Variants in ANGPT1 observed in about 807,000 individuals in gnomAD.
ANGPT1 encodes the protein angiopoietin-1.
In ANGPT1, 17 loss-of-function variants were observed where a neutral mutation model predicts 62.2. The ratio of observed to expected loss-of-function variants is 0.27; its 90% CI spans 0.19 to 0.41. The LOEUF (loss-of-function observed/expected upper bound fraction) is 0.41. ANGPT1 is among the 10% of genes least tolerant of loss of function. The pLI, the probability that ANGPT1 is intolerant of heterozygous loss-of-function variation, is 1.00. For missense variants in ANGPT1, 478 were observed against 594.9 expected (o/e 0.80, Z 2.04); for synonymous variants, 199 against 198.9 (o/e 1.00, Z 0.00).
intron 7 of ANGPT1, among the ~76,000 whole-genome samples, chr8:107,276,768 G>A (rs570550862): frequency 1.5e-3 from 223 of 152,300 alleles, no homozygotes; most frequent in Non-Finnish European, 2.8e-3. Context: ...CAAGTCTAGA[G>A]TTCATGTCTC....
chr8:107,481,820 G>GTGAGAACTCACCCACTCTCA (rs1812696144), intron 1 of ANGPT1, among the ~76,000 whole-genome samples: 3 of 152,164 alleles, frequency 2.0e-5, no homozygotes, highest in Non-Finnish European at 4.4e-5. Flanking sequence ...ACTCACTATC[G>GTGAGAACTCACCCACTCTCA]TGAGAACTCA....
chr8:107,263,208 G>T (rs1813533865), intron 8 of ANGPT1, among the ~76,000 whole-genome samples: 1 of 151,858 alleles, frequency 6.6e-6, no homozygotes, highest in Non-Finnish European at 1.5e-5. Flanking sequence ...AGAAAAATTA[G>T]CCGGGCGTGG....
chr8:107,428,995 A>G (rs1349120406), intron 1 of ANGPT1, among the ~76,000 whole-genome samples: 1 of 152,204 alleles, frequency 6.6e-6, no homozygotes, highest in Non-Finnish European at 1.5e-5. Flanking sequence ...CAAGAGGGTT[A>G]TGCTATTCTA....
At chr8:107,292,696 T>C (rs576475567) in intron 6 of ANGPT1, among the ~76,000 whole-genome samples, 2 of 152,332 alleles carry the variant, frequency 1.3e-5, no homozygotes, top group South Asian at 4.1e-4. Context: ...ACTGAGTATC[T>C]GATAAAAATG....
intron 1 of ANGPT1, among the ~76,000 whole-genome samples, chr8:107,352,133 C>A (rs111493356): frequency 1.3e-5 from 2 of 152,038 alleles, no homozygotes; most frequent in African/African-American, 4.8e-5. Flanking sequence ...ATATTGTTAC[C>A]AATGTTAAAA....
chr8:107,489,640 A>T (rs747550463), intron 1 of ANGPT1, among the ~76,000 whole-genome samples: 1 of 152,216 alleles, frequency 6.6e-6, no homozygotes, highest in Non-Finnish European at 1.5e-5. Flanking sequence ...GTATTCAGGT[A>T]TAGATCCTAC....
intron 1 of ANGPT1, among the ~76,000 whole-genome samples, chr8:107,404,921 T>C (rs1817117919): frequency 6.6e-6 from 1 of 152,080 alleles, no homozygotes; most frequent in South Asian, 2.1e-4. Context: ...TGAATAGTAG[T>C]GACATTGAAC....
intron 1 of ANGPT1, among the ~76,000 whole-genome samples, chr8:107,376,063 A>T (rs1030228654): frequency 2.6e-5 from 4 of 152,064 alleles, no homozygotes; most frequent in African/African-American, 9.7e-5. Flanking sequence ...TTTTTTCCAA[A>T]CATTTCCCTT....
intron 4 of ANGPT1, among the ~76,000 whole-genome samples, chr8:107,320,628 C>T (rs1180112630): frequency 6.6e-6 from 1 of 152,076 alleles, no homozygotes; most frequent in Non-Finnish European, 1.5e-5. Context: ...CAGGCTTTTC[C>T]CTTCCCAACC....
chr8:107,353,408 C>A (rs1815973957), intron 1 of ANGPT1, among the ~76,000 whole-genome samples: 1 of 152,162 alleles, frequency 6.6e-6, no homozygotes, highest in Non-Finnish European at 1.5e-5. Flanking sequence ...GTACCTTAGA[C>A]CCACCCCACA....
Position 107,460,846 on chromosome 8 carries a change from G to A in ANGPT1, c.297+36416C>T, listed in dbSNP as rs555356297. On this transcript the variant is annotated intron_variant, in intron 1 of 8. Coordinates refer to ENST00000517746, the MANE Select transcript of ANGPT1 (RefSeq NM_001146.5). ...AGATACTGTCTGGATAGAGTCCAACGCAGAAAATTTGTGTTAATGCTCTTT... is the reference window on the plus strand; with the variant it reads ...AGATACTGTCTGGATAGAGTCCAACACAGAAAATTTGTGTTAATGCTCTTT... 7.9e-5 allele frequency among the ~76,000 whole-genome samples: 12 copies of A among 152,226 alleles called. No individual in the cohort carries two copies. The South Asian group carries it at 2.5e-3, about 32-fold the overall frequency.
At chr8:107,335,709 G>A in intron 3 of ANGPT1, among the ~76,000 whole-genome samples, 1 of 152,106 alleles carries the variant, frequency 6.6e-6, no homozygotes, top group Non-Finnish European at 1.5e-5. Flanking sequence ...TCTCTCTAGT[G>A]CTATATTTCT....
intron 1 of ANGPT1, among the ~76,000 whole-genome samples, chr8:107,472,218 C>T (rs1812379192): frequency 6.6e-6 from 1 of 152,002 alleles, no homozygotes; most frequent in South Asian, 2.1e-4. Context: ...ATCAACATGA[C>T]TTATCTCTGT....
intron 1 of ANGPT1, among the ~76,000 whole-genome samples, chr8:107,481,532 CAAAAA>C (rs71562147): frequency 1.6e-5 from 1 of 64,334 alleles, no homozygotes; most frequent in Admixed American, 2.0e-4. Flanking sequence ...GACTCTGTCT[CAAAAA>C]AAAAAAAAAA....
intron 1 of ANGPT1, among the ~76,000 whole-genome samples, chr8:107,359,640 A>C (rs773031027): frequency 1.3e-5 from 2 of 152,206 alleles, no homozygotes; most frequent in Non-Finnish European, 2.9e-5. Flanking sequence ...TCAGTATACT[A>C]GCTTTCCATG....
intron 7 of ANGPT1, among the ~76,000 whole-genome samples, chr8:107,271,477 G>T (rs1291749915): frequency 6.6e-6 from 1 of 152,010 alleles, no homozygotes; most frequent in Non-Finnish European, 1.5e-5. Context: ...ATATGACCTT[G>T]ATAGACATAT....
At chr8:107,445,419 C>A (rs1811591605) in intron 1 of ANGPT1, among the ~76,000 whole-genome samples, 1 of 152,120 alleles carries the variant, frequency 6.6e-6, no homozygotes, top group African/African-American at 2.4e-5. Flanking sequence ...AGAATTCCTT[C>A]AAGAGTTATA....
chr8:107,303,168 A>G, intron 5 of ANGPT1, 72 bp downstream of exon 5: 4 of 1,541,918 alleles, frequency 2.6e-6, no homozygotes, highest in Admixed American at 1.8e-5. Context: ...CAAGCTCACA[A>G]ATCAATCTGA....
chr8:107,368,394 C>G (rs1218326591), intron 1 of ANGPT1, among the ~76,000 whole-genome samples: 1 of 151,890 alleles, frequency 6.6e-6, no homozygotes. Flanking sequence ...AGAGCACAGG[C>G]AGAGTAGATG....
Sources: gnomAD v4.1 joint callset for allele counts (sites outside exome capture counted in the v4.1 genomes callset) on GRCh38, gnomAD v4.1.1 for gene constraint, MANE v1.5 for transcripts, NCBI Gene and HGNC (gene_info 2026-07-23, HGNC 2026-07-21) for gene names.